ARHGAP24: variants seen among roughly 807,000 people sequenced by gnomAD.
The protein encoded by ARHGAP24 is rho GTPase-activating protein 24.
Under a neutral mutation model 76.4 loss-of-function variants are expected in ARHGAP24, and 50 were observed. That is an observed-to-expected ratio of 0.65 (90% confidence interval 0.52 to 0.83). The LOEUF (loss-of-function observed/expected upper bound fraction) is 0.83, where lower values mean the gene tolerates loss of function less well. Among genes scored for constraint, ARHGAP24 ranks in the 40% least tolerant of loss-of-function variants. The probability of loss-of-function intolerance (pLI) is 0.00; values close to 1 mark genes in which losing one functional copy is unlikely to be tolerated. For synonymous variants in ARHGAP24, 345 were observed against 323.3 expected (o/e 1.07, Z -0.72); for missense variants, 930 against 914.2 (o/e 1.02, Z -0.22).
chr4:85,942,691 A>G (rs2049785648), intron 5 of ARHGAP24, among the ~76,000 whole-genome samples: 1 of 152,180 alleles, frequency 6.6e-6, no homozygotes. Flanking sequence ...TAACAAAAGC[A>G]TTATATTTTT....
At chr4:85,805,483 A>G (rs1728749138) in intron 3 of ARHGAP24, among the ~76,000 whole-genome samples, 1 of 152,218 alleles carries the variant, frequency 6.6e-6, no homozygotes, top group Admixed American at 6.5e-5. Context: ...GAAGATACCA[A>G]GGAGTGATAC....
chr4:85,602,427 G>A (rs1482090), intron 2 of ARHGAP24, among the ~76,000 whole-genome samples: 130,722 of 152,208 alleles, frequency 0.86, 56,890 homozygotes, highest in East Asian at 0.98. Context: ...TCAGGCAAGT[G>A]TGTTGATTGG....
chr4:85,583,863 A>G lies in ARHGAP24; in HGVS notation c.180+13142A>G, dbSNP rs548108019. Reference sequence around the variant, plus strand: ...AAAATGCTCACCATCACTGGCCATCAGAGAAATGCAAATCAAAACCACAAT... The same window carrying G: ...AAAATGCTCACCATCACTGGCCATCGGAGAAATGCAAATCAAAACCACAAT... On this transcript the variant is annotated intron_variant, in intron 2 of 9. Transcript: ENST00000395184. 3.7e-5 allele frequency among the ~76,000 whole-genome samples: 5 copies of G among 136,160 alleles called. No individual in the cohort carries two copies. The East Asian group carries it at 1.9e-3, about 51-fold the overall frequency. The allele number at this position is 136,160 out of a possible 152,430, so 89.3% of individuals were successfully genotyped here.
At chr4:85,975,283 C>G (rs772683819) in intron 7 of ARHGAP24, among the ~76,000 whole-genome samples, 1 of 152,178 alleles carries the variant, frequency 6.6e-6, no homozygotes, top group African/African-American at 2.4e-5. Context: ...TGAGAAACAT[C>G]TGCATGGGAG....
chr4:85,799,800 G>A lies in ARHGAP24; in HGVS notation c.268+77828G>A, dbSNP rs530997703. 1.4e-4 allele frequency among the ~76,000 whole-genome samples: 22 copies of A among 152,204 alleles called. No homozygotes were observed. The South Asian group carries it at 3.5e-3, about 24-fold the overall frequency. Reference sequence around the variant, plus strand: ...ACTACTGGTAATATACTGATATCACGTGCCTCTTGAGTGACCTACTGAGAG... The same window carrying A: ...ACTACTGGTAATATACTGATATCACATGCCTCTTGAGTGACCTACTGAGAG... On this transcript the variant is annotated intron_variant, in intron 3 of 9. Transcript: ENST00000395184.
At chr4:85,518,273 A>G (rs1044497541) in intron 1 of ARHGAP24, among the ~76,000 whole-genome samples, 6 of 152,154 alleles carry the variant, frequency 3.9e-5, no homozygotes, top group Non-Finnish European at 5.9e-5. Context: ...TAACTAGGAA[A>G]ATTGACTATG....
At chr4:85,602,962 C>G (rs1341748204) in intron 2 of ARHGAP24, among the ~76,000 whole-genome samples, 6 of 152,082 alleles carry the variant, frequency 3.9e-5, no homozygotes, top group African/African-American at 1.4e-4. Context: ...ATTTTAATGT[C>G]TAATATGTTA....
chr4:85,909,852 G>C (rs947430070), intron 3 of ARHGAP24, among the ~76,000 whole-genome samples: 4 of 152,164 alleles, frequency 2.6e-5, no homozygotes, highest in African/African-American at 9.7e-5. Flanking sequence ...AGGATCCTTG[G>C]GGTGTCCCTT....
intron 1 of ARHGAP24, among the ~76,000 whole-genome samples, chr4:85,493,124 C>G (rs1723423342): frequency 6.6e-6 from 1 of 152,194 alleles, no homozygotes; most frequent in Non-Finnish European, 1.5e-5. Flanking sequence ...TGCATCATAT[C>G]AGGAAGCGCA....
chr4:85,772,564 G>C (rs191454478), intron 3 of ARHGAP24, among the ~76,000 whole-genome samples: 232 of 152,286 alleles, frequency 1.5e-3, no homozygotes, highest in Non-Finnish European at 2.8e-3. Flanking sequence ...GATGGAACTA[G>C]GGTATCTGCC....
intron 2 of ARHGAP24, among the ~76,000 whole-genome samples, chr4:85,709,408 A>G (rs1349034127): frequency 6.6e-6 from 1 of 152,198 alleles, no homozygotes; most frequent in Admixed American, 6.6e-5. Context: ...TGTAACACCC[A>G]TTCCTGATAT....
intron 2 of ARHGAP24, among the ~76,000 whole-genome samples, chr4:85,659,935 G>A (rs143893119): frequency 6.3e-4 from 96 of 152,124 alleles, no homozygotes; most frequent in African/African-American, 2.2e-3. Context: ...CTTTCCATTC[G>A]TTCTCTGAAA....
chr4:85,731,045 A>ATG (rs1282764670), intron 3 of ARHGAP24, among the ~76,000 whole-genome samples: 4 of 149,040 alleles, frequency 2.7e-5, no homozygotes, highest in African/African-American at 9.8e-5. Flanking sequence ...GAGACTGGGC[A>ATG]TGTGTGTGTG....
At chr4:85,761,769 G>T (rs1726742153) in intron 3 of ARHGAP24, among the ~76,000 whole-genome samples, 2 of 152,152 alleles carry the variant, frequency 1.3e-5, no homozygotes, top group Non-Finnish European at 2.9e-5. Flanking sequence ...GCTATCTCAA[G>T]GTGCAGCAGC....
intron 8 of ARHGAP24, among the ~76,000 whole-genome samples, chr4:85,977,922 G>T (rs1246763621): frequency 1.3e-5 from 2 of 152,036 alleles, no homozygotes; most frequent in African/African-American, 2.4e-5. Context: ...AGCCTTACAA[G>T]AATAAATGAA....
At chr4:85,540,012 T>C (rs766375728) in intron 1 of ARHGAP24, among the ~76,000 whole-genome samples, 65 of 152,062 alleles carry the variant, frequency 4.3e-4, no homozygotes, top group South Asian at 1.5e-3. Flanking sequence ...GCGACTGCAC[T>C]CCAGCCTAGG....
chr4:85,771,433 T>G (rs1240202951), intron 3 of ARHGAP24, among the ~76,000 whole-genome samples: 2 of 152,212 alleles, frequency 1.3e-5, no homozygotes. Flanking sequence ...TGCCTGTTGT[T>G]CTATTCATGT....
chr4:85,863,612 A>G (rs1578315176), intron 3 of ARHGAP24, among the ~76,000 whole-genome samples: 3 of 152,006 alleles, frequency 2.0e-5, no homozygotes, highest in African/African-American at 4.8e-5. Context: ...ATTATTTACC[A>G]TTGTTGTGAG....
rs189122025 is a variant in ARHGAP24 at position 85,800,061 on chromosome 4, G to A, written c.268+78089G>A. Among the ~76,000 whole-genome samples the A allele has an allele frequency of 1.4e-4, 21 of 152,292 alleles. No individual in the cohort carries two copies. The East Asian group carries it at 4.1e-3, about 29-fold the overall frequency. On this transcript the variant is annotated intron_variant, in intron 3 of 9. Transcript: ENST00000395184. ...TCAATTGGATCCAGGAACATGACAA[G>A]TAAAAAGCTGGTGAAAGCAAAGTAA... is the stretch of plus-strand genomic sequence containing the variant.
Sources: allele counts gnomAD v4.1 joint callset (sites outside exome capture counted in the v4.1 genomes callset), GRCh38; gene constraint gnomAD v4.1.1; transcripts MANE v1.5; gene names NCBI Gene and HGNC (gene_info 2026-07-23, HGNC 2026-07-21).